The following TRIP6 variants were observed in gnomAD, a reference collection of about 807,000 sequenced individuals.
The protein encoded by TRIP6 is thyroid hormone receptor interactor 6, also known as thyroid receptor-interacting protein 6.
In TRIP6, 33 loss-of-function variants were observed where a neutral mutation model predicts 51.9. That is an observed-to-expected ratio of 0.64 (90% CI 0.48 to 0.85). The LOEUF (loss-of-function observed/expected upper bound fraction) is 0.85, where lower values mean the gene tolerates loss of function less well. Among genes scored for constraint, TRIP6 ranks in the 40% least tolerant of loss-of-function variants. The pLI, the probability that TRIP6 is intolerant of heterozygous loss-of-function variation, is 0.00. For missense variants in TRIP6, 661 were observed against 652.1 expected (o/e 1.01, Z -0.15); for synonymous variants, 255 against 275.8 (o/e 0.92, Z 0.75).
chr7:100,869,596 C>T (rs535336027), intron 4 of TRIP6, among the ~76,000 whole-genome samples: 58 of 144,804 alleles, frequency 4.0e-4, no homozygotes, highest in African/African-American at 1.4e-3. Flanking sequence ...CGCACCACTG[C>T]TCTCCAACCT....
Position 100,873,381 on chromosome 7 carries a change from G to A in TRIP6, c.*78G>A. The A allele has an allele frequency of 2.0e-6, 3 of 1,509,026 alleles. No individual in the cohort carries two copies. The highest frequency in any genetic ancestry group is 2.7e-6 in the Non-Finnish European group (3 of 1,128,898). The allele number at this position is 1,509,026 out of a possible 1,614,324, so 93.5% of individuals were successfully genotyped here. On this transcript the variant is annotated 3_prime_UTR_variant, in exon 9 of 9. Coordinates refer to ENST00000200457, the MANE Select transcript of TRIP6 (RefSeq NM_003302.3). Reference sequence around the variant, plus strand: ...TGATCACTCTCCCTGACATCCACCTGTATGACTTTGTCACCAAATGCTGTC... The same window carrying A: ...TGATCACTCTCCCTGACATCCACCTATATGACTTTGTCACCAAATGCTGTC...
chr7:100,870,857 G>A (rs539677876), intron 6 of TRIP6, 114 bp downstream of exon 6: 126 of 1,376,880 alleles, frequency 9.2e-5, no homozygotes, highest in East Asian at 1.7e-4. Flanking sequence ...AAAGCCAGGC[G>A]ACTGAAAGTG....
chr7:100,867,436 G>C lies in TRIP6; in HGVS notation c.-62G>C, dbSNP rs945067918. ...CCCAAACGAGGTGCGGGACGGAAGA[G>C]GGGGTGAAGGCCAGAGGCTCGGGGC... On this transcript the variant is annotated 5_prime_UTR_variant, in exon 1 of 9. Coordinates refer to ENST00000200457, the MANE Select transcript of TRIP6 (RefSeq NM_003302.3). The surrounding 1 kb of genome is among the most constrained non-coding windows in gnomAD (Gnocchi z 5.4). 2 of 1,221,822 alleles carry C rather than the reference G, an allele frequency of 1.6e-6. No individual in the cohort carries two copies. The highest frequency in any genetic ancestry group is 3.4e-5 in the Admixed American group (1 of 29,282). The allele number at this position is 1,221,822 out of a possible 1,614,324, so 75.7% of individuals were successfully genotyped here. A position where few individuals can be genotyped will look rare whatever the true frequency, so the allele number is the denominator to read the frequency against.
chr7:100,870,813 T>C, intron 6 of TRIP6, 70 bp downstream of exon 6: 2 of 1,539,280 alleles, frequency 1.3e-6, no homozygotes, highest in Non-Finnish European at 1.8e-6. Flanking sequence ...AGGTGGTAAC[T>C]AGAGCGTCCA....
chr7:100,868,804 G>A lies in TRIP6; in HGVS notation c.673G>A (p.Glu225Lys), dbSNP rs1290623314. The A allele has an allele frequency of 1.3e-6, 2 of 1,525,288 alleles. No individual in the cohort carries two copies. The highest frequency in any genetic ancestry group is 2.3e-5 in the Admixed American group (1 of 44,258). 94.5% of individuals were successfully genotyped at this position (1,525,288 alleles called of 1,614,324 possible). ...GAGAGAGCCAGGGCCAGGGGCCAAA[G>A]AGGAAGCTGCTGGGGTCTCTGGCCC... ...SQREPGPGAKEEAAGVSGPAG... is the reference protein window; with the variant it reads ...SQREPGPGAKKEAAGVSGPAG... Residue 225 changes from glutamate to lysine, a missense_variant, in exon 4 of 9, where the codon GAG (glutamate) becomes AAG (lysine). Glu to Lys is a moderately conservative substitution (Grantham distance 56). Coordinates refer to ENST00000200457, the MANE Select transcript of TRIP6 (RefSeq NM_003302.3).
rs796805116 is a variant in TRIP6 at position 100,870,902 on chromosome 7, G to C, written c.999+159G>C. On this transcript the variant is annotated intron_variant, in intron 6 of 8. Coordinates refer to ENST00000200457, the MANE Select transcript of TRIP6 (RefSeq NM_003302.3). ...CAGGGCGGAATTCTGCAAGTATCAAGCAAGTAGCTTAACACTGGTGGCTGA... is the reference window on the plus strand; with the variant it reads ...CAGGGCGGAATTCTGCAAGTATCAACCAAGTAGCTTAACACTGGTGGCTGA... 20 of 1,012,812 alleles carry C rather than the reference G, an allele frequency of 2.0e-5. No individual in the cohort carries two copies. In the African/African-American group the frequency reaches 2.7e-4, roughly 14 times the overall value. 62.7% of individuals were successfully genotyped at this position (1,012,812 alleles called of 1,614,324 possible). A position where few individuals can be genotyped will look rare whatever the true frequency, so the allele number is the denominator to read the frequency against.
At position 100,872,747 on chromosome 7, in the gene TRIP6, CA is replaced by C. The variant is rs767998566; in HGVS notation, c.1299+4del. On this transcript the variant is annotated splice_donor_region_variant and intron_variant, in intron 8 of 8. Transcript: ENST00000200457. Reference sequence around the variant, plus strand: ...ACATTGGCTGTTACAAGTGCGAGGTCAGGGGCCCCCAGCACGTGCAAGGGGC... The same window carrying C: ...ACATTGGCTGTTACAAGTGCGAGGTCGGGGCCCCCAGCACGTGCAAGGGGC... The C allele has an allele frequency of 1.2e-6, 2 of 1,613,756 alleles. No homozygotes were observed. The highest frequency in any genetic ancestry group is 1.7e-6 in the Non-Finnish European group (2 of 1,179,830).
Position 100,867,868 on chromosome 7 carries a change from G to C in TRIP6, c.117G>C (p.Gln39His). 1.3e-6 allele frequency: 2 copies of C among 1,536,124 alleles called. No homozygotes were observed. Among genetic ancestry groups the C allele is most frequent in the Non-Finnish European group, 1.7e-6 (2 of 1,150,186 alleles). ...GPPPAHGAAL[Q>H]PHPRVNFCPL... ...TCTCTTCCCTCAACCCAGCACTCCA[G>C]CCCCACCCCAGGGTCAATTTTTGCC... Residue 39 changes from glutamine to histidine, a missense_variant, in exon 2 of 9, where the codon CAG becomes CAC. Physicochemically the swap from Gln to His is conservative, Grantham distance 24. Transcript: ENST00000200457. The surrounding 1 kb of genome is among the most constrained non-coding windows in gnomAD (Gnocchi z 5.4).
intron 4 of TRIP6, among the ~76,000 whole-genome samples, chr7:100,869,261 G>A (rs1815217996): frequency 1.3e-5 from 2 of 151,440 alleles, no homozygotes; most frequent in African/African-American, 2.4e-5. Flanking sequence ...CCTGGCCAAG[G>A]GGCTGGTTTT....
Position 100,867,482 on chromosome 7 carries a change from T to TCC in TRIP6, c.-12_-11dup. The stretch of plus-strand genomic sequence containing the variant: ...GGGGCTTCAAGACCGCTGTCTGGAG[T>TCC]CCCCCTTTCCAGGCCATGTCGGGGC... On this transcript the variant is annotated 5_prime_UTR_variant, in exon 1 of 9. Coordinates refer to ENST00000200457, the MANE Select transcript of TRIP6 (RefSeq NM_003302.3). The surrounding 1 kb of genome is among the most constrained non-coding windows in gnomAD (Gnocchi z 5.4). 1 of 1,442,348 alleles carries TCC rather than the reference T, an allele frequency of 6.9e-7. No homozygotes were observed. The highest frequency in any genetic ancestry group is 9.1e-7 in the Non-Finnish European group (1 of 1,096,044). The allele number at this position is 1,442,348 out of a possible 1,614,324, so 89.3% of individuals were successfully genotyped here.
intron 8 of TRIP6, 33 bp from the exon 9 acceptor site, chr7:100,873,139 G>A (rs1815310288): frequency 5.0e-6 from 8 of 1,599,068 alleles, no homozygotes; most frequent in Non-Finnish European, 6.8e-6. Context: ...GTGAGCCATC[G>A]CGCCCGGCCA....
rs751958095 is a variant in TRIP6 at position 100,873,312 on chromosome 7, A to G, written c.*9A>G. 5.0e-6 allele frequency: 8 copies of G among 1,596,552 alleles called. No individual in the cohort carries two copies. The South Asian group carries it at 7.7e-5, about 15-fold the overall frequency. On this transcript the variant is annotated 3_prime_UTR_variant, in exon 9 of 9. Transcript: ENST00000200457. The stretch of plus-strand genomic sequence containing the variant: ...TCACCACTGACTGCTGAGTCTTCCT[A>G]GAAGTACCTGCTGGGTTCTCAGTTC...
Position 100,868,738 on chromosome 7 carries a change from C to T in TRIP6, c.607C>T (p.Pro203Ser). ...CCTCCCGGGCCCCCACTTTCCTCTCCCAGGCCGAGGTGAAGTCTGGGGGCC... is the reference window on the plus strand; with the variant it reads ...CCTCCCGGGCCCCCACTTTCCTCTCTCAGGCCGAGGTGAAGTCTGGGGGCC... ...GPLPGPHFPLPGRGEVWGPGY... is the reference protein window; with the variant it reads ...GPLPGPHFPLSGRGEVWGPGY... The change falls in exon 4 of 9, where the codon CCA becomes TCA. Residue 203 changes from proline to serine, a missense_variant. Pro to Ser is a moderately conservative substitution (Grantham distance 74). Transcript: ENST00000200457. 1 of 1,559,242 alleles carries T rather than the reference C, an allele frequency of 6.4e-7. No homozygotes were observed. The highest frequency in any genetic ancestry group is 8.7e-7 in the Non-Finnish European group (1 of 1,155,940).
Position 100,873,231 on chromosome 7 carries a change from G to A in TRIP6, c.1359G>A (p.Gly453=). ...GECQGCYPLD[G]HILCKACSAW... ...GTCAGGGCTGCTACCCGCTGGATGG[G>A]CACATCTTGTGCAAGGCCTGCAGCG... Residue 453 remains glycine (G), a synonymous_variant, in exon 9 of 9, where the codon GGG becomes GGA. Transcript: ENST00000200457. 1.2e-6 allele frequency: 2 copies of A among 1,613,812 alleles called. No individual in the cohort carries two copies. The highest frequency in any genetic ancestry group is 1.7e-6 in the Non-Finnish European group (2 of 1,179,840).
Position 100,873,422 on chromosome 7 carries a change from C to G in TRIP6, c.*119C>G. 1 of 1,402,248 alleles carries G rather than the reference C, an allele frequency of 7.1e-7. No homozygotes were observed. Among genetic ancestry groups the G allele is most frequent in the Non-Finnish European group, 9.5e-7 (1 of 1,054,444 alleles). The allele number at this position is 1,402,248 out of a possible 1,614,324, so 86.9% of individuals were successfully genotyped here. On this transcript the variant is annotated 3_prime_UTR_variant, in exon 9 of 9. Transcript: ENST00000200457. ...AAATGCTGTCTTCTCTTTCTCCAATCAAGAAATAATAATCCCTCGAGTTTA... is the reference window on the plus strand; with the variant it reads ...AAATGCTGTCTTCTCTTTCTCCAATGAAGAAATAATAATCCCTCGAGTTTA...
chr7:100,870,554 C>T lies in TRIP6; in HGVS notation c.830-20C>T, dbSNP rs1456263635. On this transcript the variant is annotated intron_variant, in intron 5 of 8. Coordinates refer to ENST00000200457, the MANE Select transcript of TRIP6 (RefSeq NM_003302.3). ...CTTCCTGGGTCTGTGAAGACTGATG[C>T]TGTTTCTCCCTGTCCTCAGGCCAGT... The T allele has an allele frequency of 6.2e-7, 1 of 1,610,064 alleles. No individual in the cohort carries two copies. Among genetic ancestry groups the T allele is most frequent in the Non-Finnish European group, 8.5e-7 (1 of 1,177,128 alleles).
At position 100,868,131 on chromosome 7, in the gene TRIP6, C is replaced by G; in HGVS notation, c.261C>G (p.Gly87=). 6.2e-7 allele frequency: 1 copy of G among 1,612,596 alleles called. No individual in the cohort carries two copies. Among genetic ancestry groups the G allele is most frequent in the Non-Finnish European group, 8.5e-7 (1 of 1,179,626 alleles). ...AGGGGCTCCCTGCAGACAGGGGGGG[C>G]CTTCGCCCTGGAAGCCTGGACGCCG... is the stretch of plus-strand genomic sequence containing the variant. ...HTQGLPADRG[G]LRPGSLDAEI... The change falls in exon 3 of 9, where the codon GGC becomes GGG. Residue 87 remains glycine (G), a synonymous_variant. Transcript: ENST00000200457.
In TRIP6 at chr7:100,867,732, C is replaced by A; in HGVS notation, c.109+126C>A. On this transcript the variant is annotated intron_variant, in intron 1 of 8. Coordinates refer to ENST00000200457, the MANE Select transcript of TRIP6 (RefSeq NM_003302.3). This position sits in a 1 kb window ranked among gnomAD's most constrained non-coding sequence, Gnocchi z 5.4. ...CCCCAAGCCGAGGCGGGGGGAACAG[C>A]CGCCTGCGCTCTCTTGGGACCCTAG... The A allele has an allele frequency of 6.6e-7, 1 of 1,521,468 alleles. No individual in the cohort carries two copies. Among genetic ancestry groups the A allele is most frequent in the Non-Finnish European group, 8.8e-7 (1 of 1,132,498 alleles). 94.2% of individuals were successfully genotyped at this position (1,521,468 alleles called of 1,614,324 possible).
chr7:100,872,529 C>A lies in TRIP6; in HGVS notation c.1179-95C>A, dbSNP rs928870669. The A allele has an allele frequency of 3.8e-6, 6 of 1,561,026 alleles. No homozygotes were observed. The African/African-American group carries it at 8.2e-5, about 21-fold the overall frequency. Reference sequence around the variant, plus strand: ...ACCTAAGGCCATACCTCTGGCCTCTCTGATTCCCTCCTGTGCCCCACCTTC... The same window carrying A: ...ACCTAAGGCCATACCTCTGGCCTCTATGATTCCCTCCTGTGCCCCACCTTC... On this transcript the variant is annotated intron_variant, in intron 7 of 8. Coordinates refer to ENST00000200457, the MANE Select transcript of TRIP6 (RefSeq NM_003302.3).
Sources: gnomAD v4.1 joint callset for allele counts (sites outside exome capture counted in the v4.1 genomes callset) on GRCh38, gnomAD v4.1.1 for gene constraint, Gnocchi (gnomAD v3.1) non-coding constraint, MANE v1.5 for transcripts, NCBI Gene and HGNC (gene_info 2026-07-23, HGNC 2026-07-21) for gene names.